The following SIRPG variants were observed in gnomAD, a reference collection of about 807,000 sequenced individuals.
The protein encoded by SIRPG is signal-regulatory protein gamma.
Under a neutral mutation model 35.7 loss-of-function variants are expected in SIRPG, and 38 were observed. The observed-to-expected ratio is 1.06, with a 90% CI of 0.82 to 1.40. The LOEUF (loss-of-function observed/expected upper bound fraction) is 1.40. SIRPG is among the 40% of genes most tolerant of loss of function. The pLI is 0.00. For synonymous variants in SIRPG, 215 were observed against 190.4 expected (o/e 1.13, Z -1.06); for missense variants, 519 against 483.0 (o/e 1.07, Z -0.70).
chr20:1,639,081 A>G (rs2091828968), intron 2 of SIRPG, among the ~76,000 whole-genome samples: 1 of 152,170 alleles, frequency 6.6e-6, no homozygotes, highest in Non-Finnish European at 1.5e-5. Context: ...CAATAAACAT[A>G]CATGTGCATG....
the SIRPG span, among the ~76,000 whole-genome samples, chr20:1,669,615 C>G: frequency 2.6e-5 from 4 of 152,128 alleles, no homozygotes; most frequent in African/African-American, 9.7e-5. Context: ...GCTGATCTGA[C>G]AAGGAATGGA....
At chr20:1,663,268 G>T in the SIRPG span, among the ~76,000 whole-genome samples, 3 of 152,152 alleles carry the variant, frequency 2.0e-5, no homozygotes, top group Non-Finnish European at 4.4e-5. Flanking sequence ...AGCCGAGATC[G>T]TGCCACTGCA....
intron 4 of SIRPG, chr20:1,630,817 G>T (rs933864352): frequency 6.5e-6 from 1 of 152,962 alleles, no homozygotes; most frequent in Non-Finnish European, 1.5e-5. Flanking sequence ...GGTGGCTTGA[G>T]GATGGCTTCA....
upstream of SIRPG, among the ~76,000 whole-genome samples, chr20:1,660,658 G>A (rs1384117843): frequency 2.0e-5 from 3 of 152,150 alleles, no homozygotes; most frequent in African/African-American, 7.2e-5. Context: ...TTTAAATTTA[G>A]GTGACTTGGG....
At chr20:1,630,163 C>T in intron 5 of SIRPG, 59 bp downstream of exon 5, 1 of 1,309,108 alleles carries the variant, frequency 7.6e-7, no homozygotes, top group South Asian at 1.3e-5. Context: ...GCTGGGCCTT[C>T]CTGTTGGCCT....
chr20:1,682,832 A>T, the SIRPG span, among the ~76,000 whole-genome samples: 93 of 152,354 alleles, frequency 6.1e-4, 1 homozygote, highest in Middle Eastern at 3.4e-3. Context: ...CACACACAAC[A>T]GAAGCAAAAA....
At chr20:1,676,735 T>C in the SIRPG span, 1 of 195,702 alleles carries the variant, frequency 5.1e-6, no homozygotes, top group South Asian at 9.7e-5. Flanking sequence ...TCTTGGACTG[T>C]AGATTAATTC....
rs929210317 is a variant in SIRPG at position 1,640,120 on chromosome 20, A to G, written c.431-3615T>C. Among the ~76,000 whole-genome samples the G allele has an allele frequency of 1.8e-4, 27 of 152,238 alleles. 1 individual carries two copies. The highest frequency in any genetic ancestry group is 1.2e-3 in the Admixed American group (18 of 15,284). ...GCTATACGGGCTTTTTTTTGGTTCA[A>G]TATAAAATTTAATGTAGTTTTTTTT... On this transcript the variant is annotated intron_variant, in intron 2 of 5. Coordinates refer to ENST00000303415, the MANE Select transcript of SIRPG (RefSeq NM_018556.4).
At chr20:1,635,056 A>T (rs1166205752) in intron 4 of SIRPG, among the ~76,000 whole-genome samples, 5 of 146,984 alleles carry the variant, frequency 3.4e-5, no homozygotes, top group African/African-American at 1.3e-4. Context: ...AAAAAAAAAA[A>T]TTAAACATAT....
rs200260253 is a variant in SIRPG at position 1,650,002 on chromosome 20, G to GTATATATATATATATATATATATATA, written c.74-595_74-594insTATATATATATATATATATATATATA. Among the ~76,000 whole-genome samples, 686 of 80,678 alleles carry GTATATATATATATATATATATATATA rather than the reference G, an allele frequency of 8.5e-3. 13 individuals carry two copies. Among genetic ancestry groups the GTATATATATATATATATATATATATA allele is most frequent in the Non-Finnish European group, 0.012 (490 of 39,988 alleles). The allele number at this position is 80,678 out of a possible 152,430, so 52.9% of individuals were successfully genotyped here. A position where few individuals can be genotyped will look rare whatever the true frequency, so the allele number is the denominator to read the frequency against. On this transcript the variant is annotated intron_variant, in intron 1 of 5. Coordinates refer to ENST00000303415, the MANE Select transcript of SIRPG (RefSeq NM_018556.4). ...GAACTCCTGAACTCTACTTTGAAGT[G>GTATATATATATATATATATATATATA]TGTATATATATATATATATATATAT...
At chr20:1,641,138 A>G (rs1033494301) in intron 2 of SIRPG, among the ~76,000 whole-genome samples, 2 of 152,170 alleles carry the variant, frequency 1.3e-5, no homozygotes, top group Non-Finnish European at 2.9e-5. Context: ...TGAGTCAGGG[A>G]GGTGTCCCAC....
the SIRPG span, chr20:1,670,271 C>T: frequency 7.3e-5 from 17 of 231,606 alleles, no homozygotes; most frequent in Non-Finnish European, 9.7e-6. Context: ...AAGCTCTGAC[C>T]TTGTGGCACA....
chr20:1,648,944 A>G, intron 2 of SIRPG, 108 bp downstream of exon 2: 1 of 1,072,572 alleles, frequency 9.3e-7, no homozygotes. Context: ...ACAGGTCTTG[A>G]AAATGAGCAC....
chr20:1,635,864 G>A, intron 3 of SIRPG, among the ~76,000 whole-genome samples: 1 of 152,202 alleles, frequency 6.6e-6, no homozygotes, highest in East Asian at 1.9e-4. Flanking sequence ...CTGGCATGCA[G>A]TTGGAATGTA....
At chr20:1,642,783 G>T in intron 2 of SIRPG, among the ~76,000 whole-genome samples, 1 of 152,122 alleles carries the variant, frequency 6.6e-6, no homozygotes, top group Non-Finnish European at 1.5e-5. Context: ...AAATCCCTCA[G>T]CATTTGCTTG....
At chr20:1,672,214 G>A in the SIRPG span, among the ~76,000 whole-genome samples, 1 of 151,986 alleles carries the variant, frequency 6.6e-6, no homozygotes, top group African/African-American at 2.4e-5. Flanking sequence ...TGTTTGCTTT[G>A]GATCAAACAC....
intron 4 of SIRPG, among the ~76,000 whole-genome samples, chr20:1,632,149 A>G (rs2122405052): frequency 6.6e-6 from 1 of 152,290 alleles, no homozygotes; most frequent in East Asian, 1.9e-4. Context: ...GGGTCAAAGC[A>G]CTCAAAGATC....
the SIRPG span, among the ~76,000 whole-genome samples, chr20:1,665,655 G>A: frequency 2.7e-4 from 41 of 152,292 alleles, no homozygotes; most frequent in Non-Finnish European, 2.6e-4. Flanking sequence ...TTCATACATT[G>A]CAAGGAAGCC....
chr20:1,662,313 C>T (rs2091998171), upstream of SIRPG, among the ~76,000 whole-genome samples: 1 of 152,150 alleles, frequency 6.6e-6, no homozygotes, highest in South Asian at 2.1e-4. Flanking sequence ...GAGGAGGACC[C>T]AATAACGGAG....
Sources: gnomAD v4.1 joint callset for allele counts (sites outside exome capture counted in the v4.1 genomes callset) on GRCh38, gnomAD v4.1.1 for gene constraint, MANE v1.5 for transcripts, NCBI Gene and HGNC (gene_info 2026-07-23, HGNC 2026-07-21) for gene names.